The following AAGAB variants were observed in gnomAD, a reference collection of about 807,000 sequenced individuals.
AAGAB encodes the protein alpha- and gamma-adaptin-binding protein p34.
In AAGAB, 38 loss-of-function variants were observed where a neutral mutation model predicts 44.1. The ratio of observed to expected loss-of-function variants is 0.86; its 90% CI spans 0.67 to 1.13. The LOEUF (loss-of-function observed/expected upper bound fraction) is 1.13. Ranked by LOEUF, AAGAB falls within the 50% of genes most tolerant of loss-of-function variation. AAGAB has a pLI of 0.00. For missense variants in AAGAB, 450 were observed against 373.8 expected (o/e 1.20, Z -1.68); for synonymous variants, 131 against 131.8 (o/e 0.99, Z 0.04).
chr15:67,236,879 T>C (rs1881567700), intron 1 of AAGAB, 59 bp from the exon 2 acceptor site: 3 of 1,373,044 alleles, frequency 2.2e-6, no homozygotes, highest in Non-Finnish European at 3.0e-6. Flanking sequence ...ATTGGTTGAT[T>C]TTCTCAGTCA....
chr15:67,240,447 G>A (rs1198376431), intron 1 of AAGAB, among the ~76,000 whole-genome samples: 1 of 152,128 alleles, frequency 6.6e-6, no homozygotes, highest in Non-Finnish European at 1.5e-5. Context: ...CCACCTGGTG[G>A]AGCTGTAATA....
chr15:67,236,377 T>C (rs767126385), intron 3 of AAGAB, 31 bp downstream of exon 3: 11 of 1,585,514 alleles, frequency 6.9e-6, no homozygotes, highest in Non-Finnish European at 8.7e-6. Context: ...CAAATGCATG[T>C]ACCAACTACT....
At chr15:67,236,173 G>A in intron 3 of AAGAB, 105 bp from the exon 4 acceptor site, 2 of 978,126 alleles carry the variant, frequency 2.0e-6, no homozygotes, top group African/African-American at 1.6e-5. Context: ...TAATGTCAAT[G>A]TTATTCTAAA....
chr15:67,249,098 G>A (rs1490511651), intron 1 of AAGAB, among the ~76,000 whole-genome samples: 1 of 152,006 alleles, frequency 6.6e-6, no homozygotes, highest in East Asian at 1.9e-4. Flanking sequence ...GCAGTGGCGT[G>A]ATCTGAGCTT....
intron 3 of AAGAB, 44 bp downstream of exon 3, chr15:67,236,364 T>A: frequency 6.5e-7 from 1 of 1,540,730 alleles, no homozygotes; most frequent in South Asian, 1.1e-5. Context: ...TATCAAGGAA[T>A]GGCAAATGCA....
At chr15:67,215,535 A>G (rs1349850339) in intron 5 of AAGAB, among the ~76,000 whole-genome samples, 4 of 152,156 alleles carry the variant, frequency 2.6e-5, no homozygotes, top group Admixed American at 1.3e-4. Flanking sequence ...CCATATTTAA[A>G]GTTTTCTTTA....
intron 4 of AAGAB, among the ~76,000 whole-genome samples, chr15:67,233,738 G>T (rs1006700745): frequency 2.0e-5 from 3 of 152,148 alleles, no homozygotes; most frequent in Admixed American, 1.3e-4. Flanking sequence ...TCTCCTAGAG[G>T]AAAGATGCAC....
intron 3 of AAGAB, 101 bp from the exon 4 acceptor site, chr15:67,236,169 C>A (rs1166507147): frequency 2.3e-5 from 23 of 979,382 alleles, no homozygotes; most frequent in Admixed American, 6.8e-5. Context: ...CCCTTAATGT[C>A]AATGTTATTC....
chr15:67,242,379 C>T (rs1352540331), intron 1 of AAGAB, among the ~76,000 whole-genome samples: 1 of 88,780 alleles, frequency 1.1e-5, no homozygotes, highest in African/African-American at 3.3e-5. Flanking sequence ...GCCGAGATTG[C>T]GCCACTGCAG....
intron 1 of AAGAB, among the ~76,000 whole-genome samples, chr15:67,243,489 A>G (rs1437191861): frequency 1.3e-5 from 2 of 152,158 alleles, no homozygotes; most frequent in African/African-American, 4.8e-5. Flanking sequence ...AAGGGGACAA[A>G]GGTCAACACC....
chr15:67,212,624 G>A lies in AAGAB; in HGVS notation c.536-3080C>T, dbSNP rs571878738. ...TGAAGAATTTAGTCAACTAACAAGA[G>A]AGTTCATTATGTTCCGCTGCTTATA... On this transcript the variant is annotated intron_variant, in intron 5 of 9. Coordinates refer to ENST00000261880, the MANE Select transcript of AAGAB (RefSeq NM_024666.5). Among the ~76,000 whole-genome samples the A allele has an allele frequency of 1.5e-3, 224 of 152,278 alleles. 2 individuals carry two copies. Among genetic ancestry groups the A allele is most frequent in the Non-Finnish European group, 1.1e-3 (74 of 68,032 alleles).
intron 5 of AAGAB, among the ~76,000 whole-genome samples, chr15:67,223,549 C>T (rs935026584): frequency 6.6e-6 from 1 of 152,166 alleles, no homozygotes; most frequent in African/African-American, 2.4e-5. Context: ...TTTCTTACCC[C>T]TTTCATTGCC....
In AAGAB at chr15:67,253,265, G is replaced by C. The variant is rs75652713; in HGVS notation, c.73+1294C>G. On this transcript the variant is annotated intron_variant, in intron 1 of 9. Transcript: ENST00000261880. Reference sequence around the variant, plus strand: ...CATGGCCAAACCCCGTATGACGGGGGGGGGGGGGGGCAATTAGCCGGGCGT... The same window carrying C: ...CATGGCCAAACCCCGTATGACGGGGCGGGGGGGGGGCAATTAGCCGGGCGT... 4.5e-4 allele frequency among the ~76,000 whole-genome samples: 63 copies of C among 141,434 alleles called. 1 individual carries two copies. Among genetic ancestry groups the C allele is most frequent in the African/African-American group, 1.6e-3 (57 of 36,356 alleles). 92.8% of individuals were successfully genotyped at this position (141,434 alleles called of 152,430 possible). A position where few individuals can be genotyped will look rare whatever the true frequency, so the allele number is the denominator to read the frequency against.
At chr15:67,252,135 C>T (rs551514382) in intron 1 of AAGAB, among the ~76,000 whole-genome samples, 1 of 152,176 alleles carries the variant, frequency 6.6e-6, no homozygotes, top group Non-Finnish European at 1.5e-5. Context: ...AATGCTAATA[C>T]ACTTTACAGA....
In AAGAB at chr15:67,204,112, C is replaced by T. The variant is rs746782588; in HGVS notation, c.752G>A (p.Ser251Asn). Residue 251 changes from serine (S) to asparagine (N), a missense_variant, in exon 8 of 10, where the codon AGT (serine) becomes AAT (asparagine). By Grantham distance (46) the Ser-to-Asn change is conservative (BLOSUM62 1). Transcript: ENST00000261880. ...MLDLDIQELASLTTGGGDVEN... is the reference protein window; with the variant it reads ...MLDLDIQELANLTTGGGDVEN... ...CACATCTCCTCCTCCAGTGGTAAGA[C>T]TGGCTAATTCTTGAATATCCAGATC... is the stretch of plus-strand genomic sequence containing the variant. The T allele has an allele frequency of 6.2e-7, 1 of 1,611,990 alleles. No homozygotes were observed. Among genetic ancestry groups the T allele is most frequent in the South Asian group, 1.1e-5 (1 of 90,880 alleles).
chr15:67,200,748 A>C lies in AAGAB; in HGVS notation c.*2073T>G, dbSNP rs982408594. On this transcript the variant is annotated 3_prime_UTR_variant, in exon 10 of 10. Transcript: ENST00000261880. ...TCACTTTAGATAGACTGCAGCTATT[A>C]CTGTAGTGTTAGCTCATGATCACTA... 6.6e-6 allele frequency among the ~76,000 whole-genome samples: 1 copy of C among 152,254 alleles called. No homozygotes were observed. The highest frequency in any genetic ancestry group is 2.4e-5 in the African/African-American group (1 of 41,466).
intron 1 of AAGAB, 189 bp downstream of exon 1, chr15:67,254,370 C>T (rs905905880): frequency 6.5e-6 from 9 of 1,382,326 alleles, no homozygotes; most frequent in African/African-American, 1.5e-5. Flanking sequence ...CGAAGAAGGC[C>T]GAGTGGGCAG....
intron 5 of AAGAB, among the ~76,000 whole-genome samples, chr15:67,229,507 A>C (rs182192576): frequency 6.6e-6 from 1 of 152,246 alleles, no homozygotes; most frequent in East Asian, 1.9e-4. Context: ...AGATCTATCT[A>C]GATTGCTACA....
At chr15:67,240,689 T>C (rs1182295726) in intron 1 of AAGAB, among the ~76,000 whole-genome samples, 2 of 152,202 alleles carry the variant, frequency 1.3e-5, no homozygotes, top group South Asian at 2.1e-4. Flanking sequence ...GTAACTCCCA[T>C]TTACTTTCTC....
Sources: allele counts gnomAD v4.1 joint callset (sites outside exome capture counted in the v4.1 genomes callset), GRCh38; gene constraint gnomAD v4.1.1; transcripts MANE v1.5; gene names NCBI Gene and HGNC (gene_info 2026-07-23, HGNC 2026-07-21).